The following OR2T2 variants were observed in gnomAD, a reference collection of about 807,000 sequenced individuals.
OR2T2 encodes the protein olfactory receptor 2T2.
For synonymous variants in OR2T2, 50 were observed against 162.7 expected (o/e 0.31, Z 5.27); for missense variants, 138 against 409.1 (o/e 0.34, Z 5.72).
chr1:248,453,800 GA>G, exon 3 of OR2T2: 1 of 1,486,044 alleles, frequency 6.7e-7, no homozygotes, highest in Non-Finnish European at 9.0e-7. Flanking sequence ...TCAGAGTGGT[GA>G]CTGTGATCGG....
intron 2 of OR2T2, among the ~76,000 whole-genome samples, chr1:248,449,937 G>A (rs1448092224): frequency 7.2e-6 from 1 of 138,204 alleles, no homozygotes; most frequent in African/African-American, 3.2e-5. Flanking sequence ...TGGAATCTAG[G>A]ATCTTGTATG....
At chr1:248,447,757 T>G (rs1412216484) in intron 2 of OR2T2, among the ~76,000 whole-genome samples, 2 of 152,196 alleles carry the variant, frequency 1.3e-5, no homozygotes, top group Non-Finnish European at 2.9e-5. Flanking sequence ...CTTTAAAAGT[T>G]TCATGCTTTA....
chr1:248,446,164 A>AT (rs200594110), intron 1 of OR2T2, among the ~76,000 whole-genome samples: 3,016 of 139,078 alleles, frequency 0.022, 224 homozygotes, highest in South Asian at 0.027. Flanking sequence ...GGAAATCATG[A>AT]TTTTTTTTTT....
exon 3 of OR2T2, chr1:248,455,144 A>G (rs546708617): frequency 1.4e-4 from 21 of 150,372 alleles, no homozygotes; most frequent in Middle Eastern, 3.4e-3. Context: ...AAGGTCCTGA[A>G]ATATGAGACA....
chr1:248,448,098 G>T (rs1393246640), intron 2 of OR2T2, among the ~76,000 whole-genome samples: 4 of 152,110 alleles, frequency 2.6e-5, no homozygotes, highest in Non-Finnish European at 5.9e-5. Context: ...TTTCTTAATG[G>T]CTCCAAAGAG....
exon 3 of OR2T2, chr1:248,453,508 A>G: frequency 1.3e-6 from 2 of 1,581,688 alleles, no homozygotes; most frequent in Non-Finnish European, 1.7e-6. Flanking sequence ...GCCGGCGCAA[A>G]GCCTTTGCTA....
At position 248,453,204 on chromosome 1, in the gene OR2T2, T is replaced by G. The variant is rs766554034; in HGVS notation, c.407T>G (p.Leu136Arg). 5.0e-6 allele frequency: 8 copies of G among 1,610,228 alleles called. No homozygotes were observed. The East Asian group carries it at 1.8e-4, about 36-fold the overall frequency. The change falls in exon 3 of 3, where the codon CTC becomes CGC. Residue 136 changes from leucine (L) to arginine (R), a missense_variant. Physicochemically the swap from Leu to Arg is moderately radical, Grantham distance 102. Transcript: ENST00000642130. ...TGCAACCCTCTACGGTACCCTCTCC[T>G]CATGAACCGCAGGGTTTGCTTATTC...
At chr1:248,452,813 C>T (rs141156982) in exon 3 of OR2T2, 1 of 1,613,790 alleles carries the variant, frequency 6.2e-7, no homozygotes, top group Non-Finnish European at 8.5e-7. Context: ...CATGGAGGGT[C>T]TTCTCCAGAA....
Position 248,452,585 on chromosome 1 carries a change from G to A in OR2T2, c.-22-191G>A, listed in dbSNP as rs1286969606. 2.3e-5 allele frequency among the ~76,000 whole-genome samples: 3 copies of A among 132,490 alleles called. 1 individual carries two copies. The highest frequency in any genetic ancestry group is 1.0e-4 in the African/African-American group (3 of 29,310). 86.9% of individuals were successfully genotyped at this position (132,490 alleles called of 152,430 possible). On this transcript the variant is annotated intron_variant, in intron 2 of 2. Transcript: ENST00000642130. The stretch of plus-strand genomic sequence containing the variant: ...AGAACTATGATGACCTTTCACAGAT[G>A]ATGAAATTGAGTTGAGATTAATTTT...
chr1:248,450,315 G>A lies in OR2T2; in HGVS notation c.-22-2461G>A, dbSNP rs147579420. 5.2e-3 allele frequency among the ~76,000 whole-genome samples: 735 copies of A among 141,952 alleles called. 59 individuals carry two copies. The highest frequency in any genetic ancestry group is 0.021 in the African/African-American group (704 of 34,066). The allele number at this position is 141,952 out of a possible 152,430, so 93.1% of individuals were successfully genotyped here. ...ACATATGAACACACTACACACACAT[G>A]TACACACAACGCTCACACTCACAAG... is the stretch of plus-strand genomic sequence containing the variant. On this transcript the variant is annotated intron_variant, in intron 2 of 2. Coordinates refer to ENST00000642130, the Ensembl canonical transcript of OR2T2.
chr1:248,449,624 C>A (rs1387874129), intron 2 of OR2T2, among the ~76,000 whole-genome samples: 3 of 138,776 alleles, frequency 2.2e-5, no homozygotes, highest in African/African-American at 6.3e-5. Context: ...GCTTGGTGTC[C>A]TCCACCTCTC....
intron 2 of OR2T2, among the ~76,000 whole-genome samples, chr1:248,449,985 G>A (rs1662756149): frequency 6.9e-6 from 1 of 145,226 alleles, no homozygotes; most frequent in African/African-American, 2.8e-5. Context: ...ATGCTAAATA[G>A]CATCAACTCT....
At position 248,450,347 on chromosome 1, in the gene OR2T2, CTTTT is replaced by C. The variant is rs201321023; in HGVS notation, c.-22-2419_-22-2416del. On this transcript the variant is annotated intron_variant, in intron 2 of 2. Coordinates refer to ENST00000642130, the Ensembl canonical transcript of OR2T2. Reference sequence around the variant, plus strand: ...CAACGCTCACACTCACAAGGAACCTCTTTTTTTTTTTTTAACACGGTCTCGGTTG... The same window carrying C: ...CAACGCTCACACTCACAAGGAACCTCTTTTTTTTTAACACGGTCTCGGTTG... Among the ~76,000 whole-genome samples, 160 of 139,206 alleles carry C rather than the reference CTTTT, an allele frequency of 1.1e-3. 16 individuals are homozygous for C. The highest frequency in any genetic ancestry group is 4.4e-3 in the African/African-American group (140 of 31,948). The allele number at this position is 139,206 out of a possible 152,430, so 91.3% of individuals were successfully genotyped here. A position where few individuals can be genotyped will look rare whatever the true frequency, so the allele number is the denominator to read the frequency against.
chr1:248,453,075 T>G (rs762685622), exon 3 of OR2T2: 2 of 1,613,142 alleles, frequency 1.2e-6, no homozygotes, highest in East Asian at 2.2e-5. Flanking sequence ...GACAAGACCA[T>G]TTCCTTCCTG....
At chr1:248,453,824 G>A (rs546299495) in exon 3 of OR2T2, 5 of 1,438,810 alleles carry the variant, frequency 3.5e-6, no homozygotes, top group Non-Finnish European at 4.7e-6. Flanking sequence ...AGGATTAGCG[G>A]GGACTCCCAG....
At chr1:248,448,010 C>G (rs1377966109) in intron 2 of OR2T2, among the ~76,000 whole-genome samples, 2 of 152,292 alleles carry the variant, frequency 1.3e-5, no homozygotes, top group Non-Finnish European at 2.9e-5. Context: ...CTATGCTACC[C>G]CCTGAGTCAT....
intron 2 of OR2T2, among the ~76,000 whole-genome samples, chr1:248,449,896 G>C (rs1342626078): frequency 5.3e-5 from 7 of 133,084 alleles, no homozygotes; most frequent in Non-Finnish European, 1.1e-4. Flanking sequence ...GGAGAATGAT[G>C]ATAGTGAGGG....
At chr1:248,453,678 G>C (rs1461782759) in exon 3 of OR2T2, 3 of 1,601,110 alleles carry the variant, frequency 1.9e-6, no homozygotes, top group Middle Eastern at 1.7e-4. Context: ...TACAGCTTGA[G>C]GAATAAAGAT....
chr1:248,453,941 C>G, exon 3 of OR2T2: 1 of 700,432 alleles, frequency 1.4e-6, no homozygotes, highest in Non-Finnish European at 2.4e-6. Flanking sequence ...GGTATTGGTT[C>G]TGAAGAATGT....
Sources: allele counts gnomAD v4.1 joint callset (sites outside exome capture counted in the v4.1 genomes callset), GRCh38; gene constraint gnomAD v4.1.1; transcripts MANE v1.5; gene names NCBI Gene and HGNC (gene_info 2026-07-23, HGNC 2026-07-21).